STK11: variants seen among roughly 807,000 people sequenced by gnomAD.
STK11 encodes the protein serine/threonine kinase 11.
In STK11, 8 loss-of-function variants were observed where a neutral mutation model predicts 47.3. That is an observed-to-expected ratio of 0.17 (90% CI 0.10 to 0.31). The LOEUF (loss-of-function observed/expected upper bound fraction) is 0.31. Among genes scored for constraint, STK11 ranks in the 10% least tolerant of loss-of-function variants. The pLI is 1.00. For missense variants in STK11, 475 were observed against 605.0 expected (o/e 0.79, Z 2.25); for synonymous variants, 330 against 255.8 (o/e 1.29, Z -2.77).
In STK11 at chr19:1,223,094, C is replaced by T. The variant is rs2145431096; in HGVS notation, c.1030C>T (p.Leu344=). The part of the protein sequence containing the change: ...SMTVVPYLED[L]HGADEDEDLF... Reference sequence around the variant, plus strand: ...GACTGTGGTGCCGTACTTGGAGGACCTGCACGGCGCGGACGAGGACGAGGA... The same window carrying T: ...GACTGTGGTGCCGTACTTGGAGGACTTGCACGGCGCGGACGAGGACGAGGA... Residue 344 remains leucine, a synonymous_variant, in exon 8 of 10, where the codon CTG becomes TTG. Transcript: ENST00000326873. The T allele has an allele frequency of 9.3e-6, 15 of 1,610,860 alleles. No homozygotes were observed. The highest frequency in any genetic ancestry group is 2.7e-5 in the African/African-American group (2 of 75,014).
At position 1,226,240 on chromosome 19, in the gene STK11, C is replaced by T. The variant is rs879431235; in HGVS notation, c.1109-214C>T. On this transcript the variant is annotated intron_variant, in intron 8 of 9. Coordinates refer to ENST00000326873, the MANE Select transcript of STK11 (RefSeq NM_000455.5). ...AGACGTGGTGGAGGGGACACTCCTG[C>T]CCAGGCCATCTGCGGGAGGCTCAGC... 7.1e-6 allele frequency: 10 copies of T among 1,411,368 alleles called. No individual in the cohort carries two copies. In the Admixed American group the frequency reaches 1.5e-4, roughly 21 times the overall value. The allele number at this position is 1,411,368 out of a possible 1,614,324, so 87.4% of individuals were successfully genotyped here. A position where few individuals can be genotyped will look rare whatever the true frequency, so the allele number is the denominator to read the frequency against.
chr19:1,217,733 G>A (rs973704348), intron 1 of STK11, among the ~76,000 whole-genome samples: 1 of 152,194 alleles, frequency 6.6e-6, no homozygotes, highest in Admixed American at 6.5e-5. Flanking sequence ...TCGGAGTTGG[G>A]AGCCCTTGGC....
Position 1,226,965 on chromosome 19 carries a change from G to A in STK11, c.*16+302G>A. On this transcript the variant is annotated intron_variant, in intron 9 of 9. Transcript: ENST00000326873. ...ATTCCGAGGACCCTGCCCTGGGCCTGGCGCCCCCTCCCCATGCCCGCGCCG... is the reference window on the plus strand; with the variant it reads ...ATTCCGAGGACCCTGCCCTGGGCCTAGCGCCCCCTCCCCATGCCCGCGCCG... The A allele has an allele frequency of 1.0e-5, 4 of 392,812 alleles. No homozygotes were observed. In the East Asian group the frequency reaches 2.0e-4, roughly 20 times the overall value. The allele number at this position is 392,812 out of a possible 1,614,324, so 24.3% of individuals were successfully genotyped here.
intron 9 of STK11, 117 bp from the exon 10 acceptor site, chr19:1,227,476 C>G: frequency 9.6e-7 from 1 of 1,038,556 alleles, no homozygotes; most frequent in Non-Finnish European, 1.2e-6. Flanking sequence ...CCTGCTGCCC[C>G]CCAGGAGTCC....
chr19:1,214,135 C>T (rs1022317149), intron 1 of STK11, among the ~76,000 whole-genome samples: 3 of 152,224 alleles, frequency 2.0e-5, no homozygotes, highest in Non-Finnish European at 4.4e-5. Context: ...TCCTGTTCCT[C>T]GCCAAGCTCT....
intron 2 of STK11, among the ~76,000 whole-genome samples, chr19:1,219,079 G>A (rs1235921491): frequency 1.3e-5 from 2 of 152,132 alleles, no homozygotes; most frequent in African/African-American, 2.4e-5. Context: ...TGGGGGACGT[G>A]AGCCCCGCAG....
chr19:1,227,418 ACACAATGTAC>A, intron 9 of STK11, 165 bp from the exon 10 acceptor site: 1 of 596,122 alleles, frequency 1.7e-6, no homozygotes, highest in Non-Finnish European at 2.2e-6. Flanking sequence ...GCAAAAGGCC[ACACAATGTAC>A]CCCGGGAGTG....
At position 1,219,421 on chromosome 19, in the gene STK11, C is replaced by A; in HGVS notation, c.464+8C>A. ...AGTGTGCCAGGCCCACGGGTGCGTG[C>A]GCGGGGCAGGGGCCAGGGTGGGGCG... On this transcript the variant is annotated splice_region_variant and intron_variant, in intron 3 of 9. Coordinates refer to ENST00000326873, the MANE Select transcript of STK11 (RefSeq NM_000455.5). 6.6e-7 allele frequency: 1 copy of A among 1,508,798 alleles called. No homozygotes were observed. Among genetic ancestry groups the A allele is most frequent in the Non-Finnish European group, 8.9e-7 (1 of 1,120,086 alleles). 93.5% of individuals were successfully genotyped at this position (1,508,798 alleles called of 1,614,324 possible). A position where few individuals can be genotyped will look rare whatever the true frequency, so the allele number is the denominator to read the frequency against.
chr19:1,222,863 G>A, intron 7 of STK11, 122 bp from the exon 8 acceptor site: 2 of 1,186,760 alleles, frequency 1.7e-6, no homozygotes, highest in Non-Finnish European at 2.3e-6. Context: ...GCCACCCCTT[G>A]CACGGCCTGG....
At chr19:1,216,986 C>G (rs912352772) in intron 1 of STK11, among the ~76,000 whole-genome samples, 2 of 151,908 alleles carry the variant, frequency 1.3e-5, no homozygotes, top group African/African-American at 4.8e-5. Flanking sequence ...TGTGCTGATC[C>G]TCGTCTGTGG....
chr19:1,209,281 G>T (rs937406647), intron 1 of STK11, among the ~76,000 whole-genome samples: 4 of 152,134 alleles, frequency 2.6e-5, no homozygotes, highest in African/African-American at 7.2e-5. Flanking sequence ...TCTCCCAGCA[G>T]TGAGAAACCC....
intron 8 of STK11, 144 bp from the exon 9 acceptor site, chr19:1,226,310 C>T: frequency 1.4e-6 from 2 of 1,458,320 alleles, no homozygotes; most frequent in Admixed American, 2.6e-5. Flanking sequence ...GCATTTCAGG[C>T]TGGATACACC....
intron 1 of STK11, among the ~76,000 whole-genome samples, chr19:1,207,618 C>T (rs2080677042): frequency 6.6e-6 from 1 of 152,210 alleles, no homozygotes; most frequent in African/African-American, 2.4e-5. Flanking sequence ...GTTTTCTGCG[C>T]AGTGTGTGGC....
At chr19:1,224,180 T>G in intron 8 of STK11, 1 of 984,776 alleles carries the variant, frequency 1.0e-6, no homozygotes, top group Non-Finnish European at 1.2e-6. Context: ...GAGCACAGTG[T>G]ATGGGGGTCC....
intron 8 of STK11, chr19:1,223,903 G>C (rs151320943): frequency 3.9e-6 from 4 of 1,015,194 alleles, no homozygotes; most frequent in Non-Finnish European, 4.7e-6. Context: ...TGCTGCGCTC[G>C]GGCTGGAGCC....
chr19:1,221,980 C>A lies in STK11; in HGVS notation c.894C>A (p.Phe298Leu), dbSNP rs199681533. Reference sequence around the variant, plus strand: ...TTGAGTACGAACCGGCCAAGAGGTTCTCCATCCGGCAGATCCGGCAGCACA... The same window carrying A: ...TTGAGTACGAACCGGCCAAGAGGTTATCCATCCGGCAGATCCGGCAGCACA... Reference protein sequence around the residue: ...GMLEYEPAKRFSIRQIRQHSW... With the variant: ...GMLEYEPAKRLSIRQIRQHSW... Residue 298 changes from phenylalanine (F) to leucine (L), a missense_variant, in exon 7 of 10, where the codon TTC (phenylalanine) becomes TTA (leucine). Around this residue, in one of 5 missense-constraint regions of STK11, gnomAD observed 130 missense variants for 239.7 expected, o/e 0.54. Transcript: ENST00000326873. 1.7e-4 allele frequency: 273 copies of A among 1,569,254 alleles called. No homozygotes were observed. In the African/African-American group the frequency reaches 3.3e-3, roughly 19 times the overall value.
chr19:1,223,335 G>A (rs1030055778), intron 8 of STK11, among the ~76,000 whole-genome samples, 163 bp downstream of exon 8: 16 of 152,346 alleles, frequency 1.1e-4, no homozygotes, highest in African/African-American at 2.9e-4. Context: ...TCCGCCCTGC[G>A]GGCCGCTGGG....
chr19:1,219,306 G>C lies in STK11; in HGVS notation c.375-18G>C. On this transcript the variant is annotated intron_variant, in intron 2 of 9. Transcript: ENST00000326873. ...TGAGTGGGGCCGCCCCCTGAGCTGT[G>C]TGTCCTTAGCGCCCCACGTATATGG... is the stretch of plus-strand genomic sequence containing the variant. The C allele has an allele frequency of 3.2e-6, 5 of 1,569,128 alleles. No individual in the cohort carries two copies. The highest frequency in any genetic ancestry group is 4.3e-6 in the Non-Finnish European group (5 of 1,157,628).
intron 1 of STK11, among the ~76,000 whole-genome samples, chr19:1,215,308 G>A (rs1220920134): frequency 6.6e-6 from 1 of 152,250 alleles, no homozygotes; most frequent in African/African-American, 2.4e-5. Flanking sequence ...ATAGCCCAGA[G>A]AGAACGGAAA....
Sources: gnomAD v4.1 joint callset for allele counts (sites outside exome capture counted in the v4.1 genomes callset) on GRCh38, gnomAD v4.1.1 for gene constraint, gnomAD v4.1.1 regional missense constraint, MANE v1.5 for transcripts, NCBI Gene and HGNC (gene_info 2026-07-23, HGNC 2026-07-21) for gene names.